SMYD3: variants seen among roughly 807,000 people sequenced by gnomAD.
The protein encoded by SMYD3 is histone-lysine N-methyltransferase SMYD3.
Under a neutral mutation model 57.7 loss-of-function variants are expected in SMYD3, and 36 were observed. That is an observed-to-expected ratio of 0.62 (90% CI 0.48 to 0.82). The LOEUF is 0.82. SMYD3 is among the 40% of genes least tolerant of loss of function. SMYD3 has a pLI of 0.00. For synonymous variants in SMYD3, 211 were observed against 195.0 expected (o/e 1.08, Z -0.68); for missense variants, 515 against 538.8 (o/e 0.96, Z 0.44).
chr1:245,920,381 C>T (rs1457049785), intron 7 of SMYD3, among the ~76,000 whole-genome samples: 2 of 151,032 alleles, frequency 1.3e-5, no homozygotes, highest in African/African-American at 2.4e-5. Flanking sequence ...TTCTAGAATT[C>T]CGTGATCACA....
chr1:246,396,937 G>A lies in SMYD3; in HGVS notation c.165-41843C>T, dbSNP rs557584638. ...TACACTCAACAAGTACAAAAACTAC[G>A]GCTTAACCACAGCAACAATATTTAT... On this transcript the variant is annotated intron_variant, in intron 1 of 11. Transcript: ENST00000490107. Among the ~76,000 whole-genome samples, 13 of 152,248 alleles carry A rather than the reference G, an allele frequency of 8.5e-5. No homozygotes were observed. In the East Asian group the frequency reaches 1.2e-3, roughly 14 times the overall value.
chr1:246,236,176 TAATA>T (rs1303572383), intron 5 of SMYD3, among the ~76,000 whole-genome samples: 3 of 151,310 alleles, frequency 2.0e-5, no homozygotes, highest in African/African-American at 4.9e-5. Flanking sequence ...ATTTAATTCT[TAATA>T]AAGAAATATT....
chr1:245,867,949 G>A (rs759362119), intron 8 of SMYD3, among the ~76,000 whole-genome samples: 1 of 152,198 alleles, frequency 6.6e-6, no homozygotes, highest in Non-Finnish European at 1.5e-5. Flanking sequence ...GTGTGTGCAT[G>A]TCATATCTTC....
intron 10 of SMYD3, among the ~76,000 whole-genome samples, chr1:245,825,905 T>C: frequency 6.7e-6 from 1 of 149,302 alleles, no homozygotes. Flanking sequence ...TTGAAGTCAC[T>C]CTACGAAAAC....
intron 10 of SMYD3, among the ~76,000 whole-genome samples, chr1:245,786,766 G>A (rs781309195): frequency 6.6e-6 from 1 of 151,898 alleles, no homozygotes. Flanking sequence ...TGCCAGCATG[G>A]TTGTTTCACA....
chr1:246,180,950 A>G (rs990653194), intron 5 of SMYD3, among the ~76,000 whole-genome samples: 7 of 151,972 alleles, frequency 4.6e-5, no homozygotes, highest in African/African-American at 1.7e-4. Flanking sequence ...AAGCAACAAA[A>G]TATCAGGGAG....
At chr1:246,180,350 A>ATATATATATAAGTATATATATAAACTACT in intron 5 of SMYD3, among the ~76,000 whole-genome samples, 1 of 136,364 alleles carries the variant, frequency 7.3e-6, no homozygotes, top group African/African-American at 2.6e-5. Context: ...TAAACTACTT[A>ATATATATATAAGTATATATATAAACTACT]TATATATATA....
At chr1:246,331,092 G>A (rs1225601829) in intron 3 of SMYD3, among the ~76,000 whole-genome samples, 2 of 152,118 alleles carry the variant, frequency 1.3e-5, no homozygotes, top group Admixed American at 6.6e-5. Flanking sequence ...CTATGATTGT[G>A]CTACTATACT....
At chr1:245,809,875 G>C (rs1385969616) in intron 10 of SMYD3, among the ~76,000 whole-genome samples, 1 of 152,172 alleles carries the variant, frequency 6.6e-6, no homozygotes, top group Non-Finnish European at 1.5e-5. Flanking sequence ...GGAATTAGCT[G>C]TACTGAGTCT....
In SMYD3 at chr1:245,791,619, A is replaced by AG. The variant is rs958019697; in HGVS notation, c.1077-27471dup. On this transcript the variant is annotated intron_variant, in intron 10 of 11. Coordinates refer to ENST00000490107, the MANE Select transcript of SMYD3 (RefSeq NM_001167740.2). Reference sequence around the variant, plus strand: ...GGGGGAGAGGACGGGAGAAAGAGAGAGGGGGGCAGACAGGGGGCCTGTGCA... The same window carrying AG: ...GGGGGAGAGGACGGGAGAAAGAGAGAGGGGGGGCAGACAGGGGGCCTGTGCA... 6.4e-5 allele frequency among the ~76,000 whole-genome samples: 8 copies of AG among 124,256 alleles called. No individual in the cohort carries two copies. The Admixed American group carries it at 6.8e-4, about 11-fold the overall frequency. 81.5% of individuals were successfully genotyped at this position (124,256 alleles called of 152,430 possible).
chr1:246,316,024 A>G (rs1010607831), intron 5 of SMYD3, among the ~76,000 whole-genome samples: 1 of 152,170 alleles, frequency 6.6e-6, no homozygotes, highest in African/African-American at 2.4e-5. Context: ...TCTCTAAAAC[A>G]TATTTGTTTT....
At chr1:246,391,442 A>AAAAGGAGGGGG (rs759914312) in intron 1 of SMYD3, among the ~76,000 whole-genome samples, 1 of 137,356 alleles carries the variant, frequency 7.3e-6, no homozygotes, top group Admixed American at 7.2e-5. Flanking sequence ...GAGAGAGAGA[A>AAAAGGAGGGGG]GGAGAGAGGG....
chr1:245,894,249 AT>A (rs1202542547), intron 8 of SMYD3, among the ~76,000 whole-genome samples: 2 of 116,858 alleles, frequency 1.7e-5, no homozygotes, highest in Non-Finnish European at 3.7e-5. Flanking sequence ...AAATGGACCA[AT>A]CAGCACCCTG....
intron 5 of SMYD3, among the ~76,000 whole-genome samples, chr1:246,209,404 T>A (rs2063052222): frequency 6.6e-6 from 1 of 152,178 alleles, no homozygotes; most frequent in South Asian, 2.1e-4. Context: ...AAACATGGTC[T>A]GCATTAAGAC....
intron 2 of SMYD3, among the ~76,000 whole-genome samples, chr1:246,340,989 CAG>C (rs2065625023): frequency 6.7e-6 from 1 of 149,956 alleles, no homozygotes; most frequent in African/African-American, 2.5e-5. Context: ...CCCCAGGTCT[CAG>C]GGGGAAAAAA....
chr1:246,093,501 T>A (rs1412509827), intron 5 of SMYD3, among the ~76,000 whole-genome samples: 1 of 152,152 alleles, frequency 6.6e-6, no homozygotes, highest in African/African-American at 2.4e-5. Flanking sequence ...TTATGTTAAG[T>A]GAAATAATCC....
At chr1:246,014,510 T>C (rs2059342792) in intron 5 of SMYD3, among the ~76,000 whole-genome samples, 1 of 152,154 alleles carries the variant, frequency 6.6e-6, no homozygotes, top group Non-Finnish European at 1.5e-5. Context: ...TAGGACTTAG[T>C]AGCGTGGTTA....
At chr1:245,979,005 C>T (rs1286101157) in intron 5 of SMYD3, among the ~76,000 whole-genome samples, 1 of 152,268 alleles carries the variant, frequency 6.6e-6, no homozygotes, top group South Asian at 2.1e-4. Context: ...TGACTACTAC[C>T]GTATATCAGA....
intron 5 of SMYD3, among the ~76,000 whole-genome samples, chr1:246,051,192 G>A (rs919633043): frequency 2.0e-5 from 3 of 148,272 alleles, no homozygotes; most frequent in East Asian, 2.0e-4. Context: ...GTATAATGGC[G>A]CAGTCACAGT....
Sources: allele counts gnomAD v4.1 joint callset (sites outside exome capture counted in the v4.1 genomes callset), GRCh38; gene constraint gnomAD v4.1.1; transcripts MANE v1.5; gene names NCBI Gene and HGNC (gene_info 2026-07-23, HGNC 2026-07-21).